FAM135B: variants seen among roughly 807,000 people sequenced by gnomAD.
FAM135B encodes family with sequence similarity 135 member B.
FAM135B carries 43 observed loss-of-function variants against 127.7 expected under a neutral mutation model. The observed-to-expected ratio is 0.34, with a 90% CI of 0.26 to 0.43. FAM135B has a LOEUF of 0.43. FAM135B is among the 20% of genes least tolerant of loss of function. The pLI is 1.00. For missense variants in FAM135B, 1,558 were observed against 1,725.6 expected, an observed-to-expected ratio of 0.90 and a Z score of 1.72; for synonymous variants, 670 against 665.1, an observed-to-expected ratio of 1.01 and a Z score of -0.11.
chr8:138,181,374 A>T (rs566767810), intron 9 of FAM135B, among the ~76,000 whole-genome samples: 1 of 152,246 alleles, frequency 6.6e-6, no homozygotes, highest in East Asian at 1.9e-4. Context: ...AGATTCTTGA[A>T]CCAGTGCCTC....
rs1027438784 is a variant in FAM135B, at chr8:138,156,491, A to C, written c.1259-3275T>G. ...AGAGACACAAAAAACCCTTCAAAAA[A>C]ATCAACGAATCCAGGAGTTGTTTTT... On this transcript the variant is annotated intron_variant, in intron 12 of 19. Coordinates refer to ENST00000395297, the MANE Select transcript of FAM135B (RefSeq NM_015912.4). Among the ~76,000 whole-genome samples, 7 of 146,548 alleles carry C rather than the reference A, an allele frequency of 4.8e-5. No individual in the cohort carries two copies. In the Admixed American group the frequency reaches 4.9e-4, roughly 10 times the overall value.
At chr8:138,278,482 T>A (rs1263048377) in intron 3 of FAM135B, among the ~76,000 whole-genome samples, 2 of 151,360 alleles carry the variant, frequency 1.3e-5, no homozygotes, top group Admixed American at 6.6e-5. Flanking sequence ...GATGTGACAG[T>A]GCTGCTTTAG....
At chr8:138,169,387 CTTCTCTGAATATTTAACTCTTTAAATG>C (rs1302110649) in intron 11 of FAM135B, among the ~76,000 whole-genome samples, 5,007 of 149,010 alleles carry the variant, frequency 0.034, 157 homozygotes, top group African/African-American at 0.11. Context: ...TTTAAATGTT[CTTCTCTGAATATTTAACTCTTTAAATG>C]TTCTCTGAAT....
At chr8:138,472,657 A>C (rs1837744941) in intron 1 of FAM135B, among the ~76,000 whole-genome samples, 1 of 152,148 alleles carries the variant, frequency 6.6e-6, no homozygotes, top group Non-Finnish European at 1.5e-5. Flanking sequence ...GGAGGTGTTA[A>C]AGGGTTGTCC....
At chr8:138,348,410 C>A (rs1587183004) in intron 2 of FAM135B, among the ~76,000 whole-genome samples, 1 of 152,184 alleles carries the variant, frequency 6.6e-6, no homozygotes, top group Non-Finnish European at 1.5e-5. Flanking sequence ...GCGGAGATTA[C>A]AGGCGTGAGC....
At chr8:138,348,584 T>C (rs1173786558) in intron 2 of FAM135B, among the ~76,000 whole-genome samples, 2 of 152,232 alleles carry the variant, frequency 1.3e-5, no homozygotes, top group African/African-American at 2.4e-5. Context: ...CTCCCAACTA[T>C]ATTAACACAT....
chr8:138,341,637 G>A (rs1438051896), intron 2 of FAM135B, among the ~76,000 whole-genome samples: 1 of 152,142 alleles, frequency 6.6e-6, no homozygotes, highest in African/African-American at 2.4e-5. Flanking sequence ...TTTTGGTAAA[G>A]TGAATGAATG....
At chr8:138,437,806 C>G (rs1366373240) in intron 1 of FAM135B, 1 of 152,142 alleles carries the variant, frequency 6.6e-6, no homozygotes, top group Non-Finnish European at 1.5e-5. Context: ...CTACCACAAA[C>G]CCAGTGCCAG....
At chr8:138,447,437 A>T (rs1242400191) in intron 1 of FAM135B, among the ~76,000 whole-genome samples, 3 of 152,214 alleles carry the variant, frequency 2.0e-5, no homozygotes, top group African/African-American at 7.2e-5. Flanking sequence ...TGGATTAAAA[A>T]AATGTGGCAC....
At chr8:138,376,062 C>T (rs529313611) in intron 1 of FAM135B, among the ~76,000 whole-genome samples, 4 of 152,232 alleles carry the variant, frequency 2.6e-5, no homozygotes, top group Non-Finnish European at 2.9e-5. Flanking sequence ...GGCATGATCT[C>T]GGCTCACTGC....
At chr8:138,423,376 T>C (rs923979944) in intron 1 of FAM135B, among the ~76,000 whole-genome samples, 5 of 152,304 alleles carry the variant, frequency 3.3e-5, no homozygotes, top group Middle Eastern at 3.4e-3. Context: ...ATGGGTTCTT[T>C]TCTATTTTCC....
intron 12 of FAM135B, among the ~76,000 whole-genome samples, chr8:138,166,412 G>A (rs1452502729): frequency 1.3e-5 from 2 of 152,182 alleles, no homozygotes; most frequent in Non-Finnish European, 2.9e-5. Context: ...GTTGCACTCT[G>A]GATACATATA....
At chr8:138,487,421 A>G (rs1815023822) in intron 1 of FAM135B, among the ~76,000 whole-genome samples, 1 of 152,072 alleles carries the variant, frequency 6.6e-6, no homozygotes, top group African/African-American at 2.4e-5. Flanking sequence ...GACTTAATTA[A>G]GGTTAAGAAC....
chr8:138,315,270 T>G (rs185168359), intron 2 of FAM135B, among the ~76,000 whole-genome samples: 2 of 152,246 alleles, frequency 1.3e-5, no homozygotes, highest in Non-Finnish European at 2.9e-5. Flanking sequence ...CAACAACATG[T>G]CACCTCATAC....
At chr8:138,212,671 T>C (rs926825564) in intron 7 of FAM135B, among the ~76,000 whole-genome samples, 1 of 152,376 alleles carries the variant, frequency 6.6e-6, no homozygotes, top group South Asian at 2.1e-4. Flanking sequence ...TGAATCTATC[T>C]ATTAAAACAT....
chr8:138,355,747 ACT>A (rs2131146491), intron 2 of FAM135B, among the ~76,000 whole-genome samples: 1 of 152,302 alleles, frequency 6.6e-6, no homozygotes, highest in Admixed American at 6.5e-5. Flanking sequence ...CTATAAATTC[ACT>A]GTTTGCAGCA....
chr8:138,185,919 G>T (rs1815522756), intron 9 of FAM135B, among the ~76,000 whole-genome samples: 1 of 152,128 alleles, frequency 6.6e-6, no homozygotes, highest in Admixed American at 6.5e-5. Flanking sequence ...TTCACCAACT[G>T]CTCCAACTCC....
chr8:138,403,508 A>G (rs916689457), intron 1 of FAM135B, among the ~76,000 whole-genome samples: 6 of 152,216 alleles, frequency 3.9e-5, no homozygotes, highest in African/African-American at 1.2e-4. Context: ...AAGTTTCCTC[A>G]TATTGTTACA....
intron 1 of FAM135B, among the ~76,000 whole-genome samples, chr8:138,470,688 G>A (rs974720004): frequency 6.6e-6 from 1 of 152,086 alleles, no homozygotes; most frequent in Non-Finnish European, 1.5e-5. Flanking sequence ...ACACAACTGG[G>A]TACTAGAGAC....
Sources: allele counts gnomAD v4.1 joint callset (sites outside exome capture counted in the v4.1 genomes callset), GRCh38; gene constraint gnomAD v4.1.1; transcripts MANE v1.5; gene names NCBI Gene and HGNC (gene_info 2026-07-23, HGNC 2026-07-21).